Variants in NR5A2 observed in about 807,000 individuals in gnomAD.
NR5A2 encodes the protein CYP7A promoter-binding factor.
A neutral mutation model predicts 62.7 loss-of-function variants in NR5A2; 26 were observed. The observed-to-expected ratio is 0.41, with a 90% CI of 0.30 to 0.58. The LOEUF (loss-of-function observed/expected upper bound fraction) is 0.58, where lower values mean the gene tolerates loss of function less well. Ranked by LOEUF, NR5A2 falls within the 20% of genes least tolerant of loss-of-function variation. The pLI, the probability that NR5A2 is intolerant of heterozygous loss-of-function variation, is 0.22. For missense variants in NR5A2, 541 were observed against 669.1 expected, an observed-to-expected ratio of 0.81 and a Z score of 2.11; for synonymous variants, 246 against 241.7, an observed-to-expected ratio of 1.02 and a Z score of -0.16.
intron 5 of NR5A2, among the ~76,000 whole-genome samples, chr1:200,100,633 G>T (rs1665322319): frequency 6.6e-6 from 1 of 152,134 alleles, no homozygotes; most frequent in South Asian, 2.1e-4. Flanking sequence ...AATCGTCTTG[G>T]CTCTTCTTAA....
chr1:200,064,135 C>T (rs914349667), intron 5 of NR5A2, among the ~76,000 whole-genome samples: 2 of 148,356 alleles, frequency 1.3e-5, no homozygotes, highest in African/African-American at 2.5e-5. Context: ...GGCGACAGAG[C>T]GAGACTCCAT....
intron 6 of NR5A2, among the ~76,000 whole-genome samples, chr1:200,120,153 AAAG>A (rs765012428): frequency 5.9e-5 from 9 of 152,142 alleles, no homozygotes; most frequent in South Asian, 4.1e-4. Flanking sequence ...GCTGTTCTAT[AAAG>A]AATAATTTAA....
rs373809748 is a variant in NR5A2 at position 200,094,524 on chromosome 1, CTTTTTTT to C, written c.1111-16658_1111-16652del. ...TAAAATACACATCTATTAAATGCCA[CTTTTTTT>C]TTTTTTTTTTTTTTTTTTTGAGAAG... On this transcript the variant is annotated intron_variant, in intron 5 of 7. Transcript: ENST00000367362. Among the ~76,000 whole-genome samples the C allele has an allele frequency of 3.4e-3, 201 of 59,800 alleles. 1 individual carries two copies. The highest frequency in any genetic ancestry group is 3.7e-3 in the Non-Finnish European group (129 of 35,116). 39.2% of individuals were successfully genotyped at this position (59,800 alleles called of 152,430 possible).
chr1:200,092,123 C>T (rs1664846735), intron 5 of NR5A2, among the ~76,000 whole-genome samples: 1 of 151,686 alleles, frequency 6.6e-6, no homozygotes, highest in Non-Finnish European at 1.5e-5. Context: ...TAAGTGAAGC[C>T]ATTAGTAGGG....
At chr1:200,157,988 T>C (rs1653462562) in intron 7 of NR5A2, among the ~76,000 whole-genome samples, 2 of 152,230 alleles carry the variant, frequency 1.3e-5, no homozygotes, top group African/African-American at 4.8e-5. Context: ...AGAATGAATG[T>C]AGATAGTAAC....
intron 7 of NR5A2, among the ~76,000 whole-genome samples, chr1:200,166,332 G>A (rs1210481422): frequency 6.6e-6 from 1 of 152,134 alleles, no homozygotes; most frequent in Admixed American, 6.5e-5. Flanking sequence ...TCCCCACAAA[G>A]GTGCCCCATA....
intron 5 of NR5A2, among the ~76,000 whole-genome samples, chr1:200,080,669 G>A (rs1388075202): frequency 1.3e-5 from 2 of 152,054 alleles, no homozygotes; most frequent in African/African-American, 2.4e-5. Flanking sequence ...ATTTTATCTC[G>A]AATAGCTTTG....
At chr1:200,069,954 AAG>A (rs1227785889) in intron 5 of NR5A2, among the ~76,000 whole-genome samples, 1 of 152,208 alleles carries the variant, frequency 6.6e-6, no homozygotes, top group Non-Finnish European at 1.5e-5. Context: ...TTTTTATGAA[AAG>A]TTTGCTCTCC....
intron 5 of NR5A2, among the ~76,000 whole-genome samples, chr1:200,068,460 A>C (rs1470010631): frequency 6.6e-6 from 1 of 152,170 alleles, no homozygotes; most frequent in African/African-American, 2.4e-5. Context: ...TTGGAAAAAA[A>C]AATTGATAAT....
At chr1:200,038,949 ACCCCTCAATCCAGCCTTCC>A (rs540203494) in intron 1 of NR5A2, among the ~76,000 whole-genome samples, 15 of 151,128 alleles carry the variant, frequency 9.9e-5, no homozygotes, top group African/African-American at 3.6e-4. Context: ...CACTGTCTTC[ACCCCTCAATCCAGCCTTCC>A]CCCAACCCCT....
At chr1:200,111,181 T>C (rs1411177519) in intron 5 of NR5A2, 21 bp from the exon 6 acceptor site, 1 of 1,599,852 alleles carries the variant, frequency 6.3e-7, no homozygotes, top group Non-Finnish European at 8.5e-7. Flanking sequence ...TTTTGTTTGT[T>C]TGTTTCTATT....
intron 5 of NR5A2, among the ~76,000 whole-genome samples, chr1:200,062,084 C>A (rs961855901): frequency 2.6e-5 from 4 of 152,126 alleles, no homozygotes; most frequent in Admixed American, 2.6e-4. Context: ...TTGTCAATAA[C>A]CTGAAAATTC....
intron 5 of NR5A2, among the ~76,000 whole-genome samples, chr1:200,107,894 G>C (rs774752516): frequency 9.9e-5 from 15 of 152,064 alleles, no homozygotes; most frequent in Non-Finnish European, 1.9e-4. Context: ...GCCTCCCAAA[G>C]TGCTGGGATT....
intron 6 of NR5A2, among the ~76,000 whole-genome samples, chr1:200,120,303 C>A (rs1297756106): frequency 1.3e-5 from 2 of 152,136 alleles, no homozygotes; most frequent in African/African-American, 4.8e-5. Flanking sequence ...ACATAGAACA[C>A]TCTCCTGGAT....
intron 7 of NR5A2, among the ~76,000 whole-genome samples, chr1:200,173,630 C>T (rs1654284689): frequency 6.6e-6 from 1 of 152,206 alleles, no homozygotes; most frequent in Non-Finnish European, 1.5e-5. Context: ...TCCAGGGACT[C>T]ATTTGCTGGC....
intron 5 of NR5A2, among the ~76,000 whole-genome samples, chr1:200,094,070 GAGGCA>G (rs1446166965): frequency 6.6e-6 from 1 of 152,122 alleles, no homozygotes; most frequent in African/African-American, 2.4e-5. Flanking sequence ...TCAGGAGGCC[GAGGCA>G]GGAGAATCAC....
chr1:200,058,605 C>T lies in NR5A2; in HGVS notation c.1110+9787C>T, dbSNP rs866994416. On this transcript the variant is annotated intron_variant, in intron 5 of 7. Transcript: ENST00000367362. ...AAGCGATTCTCCTCCGTCAACCTCC[C>T]GAGTAGCTGAGATCAGGCACACGCC... 4.6e-5 allele frequency among the ~76,000 whole-genome samples: 7 copies of T among 151,720 alleles called. 1 individual carries two copies. The South Asian group carries it at 1.0e-3, about 23-fold the overall frequency.
chr1:200,073,837 C>A (rs533440284), intron 5 of NR5A2, among the ~76,000 whole-genome samples: 4 of 152,254 alleles, frequency 2.6e-5, no homozygotes, highest in East Asian at 3.9e-4. Flanking sequence ...GGTTAAGATA[C>A]CCAGTCCTTG....
rs1402013209 is a variant in NR5A2 at position 200,029,039 on chromosome 1, C to T, written c.64+1128C>T. 4 of 444,756 alleles carry T rather than the reference C, an allele frequency of 9.0e-6. No individual in the cohort carries two copies. In the Admixed American group the frequency reaches 9.6e-5, roughly 11 times the overall value. 27.6% of individuals were successfully genotyped at this position (444,756 alleles called of 1,614,324 possible). A position where few individuals can be genotyped will look rare whatever the true frequency, so the allele number is the denominator to read the frequency against. The stretch of plus-strand genomic sequence containing the variant: ...ACAATCAATTGTTCTGCAGATAACA[C>T]AGAAAATACAGGCACAAGAAAGATG... On this transcript the variant is annotated intron_variant, in intron 1 of 7. Coordinates refer to ENST00000367362, the MANE Select transcript of NR5A2 (RefSeq NM_205860.3).
Sources: gnomAD v4.1 joint callset for allele counts (sites outside exome capture counted in the v4.1 genomes callset) on GRCh38, gnomAD v4.1.1 for gene constraint, MANE v1.5 for transcripts, NCBI Gene and HGNC (gene_info 2026-07-23, HGNC 2026-07-21) for gene names.